ADAMTSL1: variants seen among roughly 807,000 people sequenced by gnomAD.
ADAMTSL1 encodes the protein ADAMTS like 1.
A neutral mutation model predicts 201.8 loss-of-function variants in ADAMTSL1; 126 were observed. That is an observed-to-expected ratio of 0.62 (90% CI 0.54 to 0.72). ADAMTSL1 has a LOEUF of 0.72. Ranked by LOEUF, ADAMTSL1 falls within the 30% of genes least tolerant of loss-of-function variation. The pLI, the probability that ADAMTSL1 is intolerant of heterozygous loss-of-function variation, is 0.00. For synonymous variants in ADAMTSL1, 1,121 were observed against 903.4 expected, an observed-to-expected ratio of 1.24 and a Z score of -4.32; for missense variants, 2,679 against 2,277.8, an observed-to-expected ratio of 1.18 and a Z score of -3.59.
At chr9:18,608,022 C>T (rs1344833777) in intron 4 of ADAMTSL1, among the ~76,000 whole-genome samples, 1 of 152,008 alleles carries the variant, frequency 6.6e-6, no homozygotes, top group Non-Finnish European at 1.5e-5. Context: ...CTTTTTTATA[C>T]ATAATACATG....
At chr9:18,657,821 GT>G (rs1332966873) in intron 8 of ADAMTSL1, 71 bp downstream of exon 8, 1 of 1,298,378 alleles carries the variant, frequency 7.7e-7, no homozygotes, top group African/African-American at 1.5e-5. Flanking sequence ...TAAGAGTAGA[GT>G]TACTTCAGCA....
chr9:18,580,155 GA>G (rs1274751278), intron 4 of ADAMTSL1, among the ~76,000 whole-genome samples: 1 of 152,088 alleles, frequency 6.6e-6, no homozygotes, highest in Non-Finnish European at 1.5e-5. Context: ...AGGGAAAGAA[GA>G]ATTCCTTTCA....
intron 19 of ADAMTSL1, among the ~76,000 whole-genome samples, chr9:18,780,259 T>A (rs1821314076): frequency 6.6e-6 from 1 of 152,192 alleles, no homozygotes. Flanking sequence ...GTCTCTTCAT[T>A]TCATAAATGA....
intron 2 of ADAMTSL1, among the ~76,000 whole-genome samples, chr9:18,249,756 A>C (rs1831393977): frequency 6.6e-6 from 1 of 152,142 alleles, no homozygotes. Flanking sequence ...TCTCAACCAA[A>C]AGCTAAAACC....
At chr9:18,407,559 A>G (rs773409136) in intron 2 of ADAMTSL1, among the ~76,000 whole-genome samples, 1 of 152,216 alleles carries the variant, frequency 6.6e-6, no homozygotes, top group Non-Finnish European at 1.5e-5. Context: ...GGGTAAAGCA[A>G]TGTTTTGGCA....
chr9:18,889,065 C>T (rs555258680), intron 24 of ADAMTSL1, among the ~76,000 whole-genome samples: 3 of 152,180 alleles, frequency 2.0e-5, no homozygotes, highest in Non-Finnish European at 4.4e-5. Context: ...ACATCATTGT[C>T]TCATGTAAAT....
intron 7 of ADAMTSL1, among the ~76,000 whole-genome samples, chr9:18,649,911 C>G (rs2132901762): frequency 6.6e-6 from 1 of 152,276 alleles, no homozygotes; most frequent in Non-Finnish European, 1.5e-5. Context: ...AACCACTGCT[C>G]TCTTCAAAGC....
intron 15 of ADAMTSL1, among the ~76,000 whole-genome samples, chr9:18,750,967 G>C (rs1189681689): frequency 6.6e-6 from 1 of 152,118 alleles, no homozygotes; most frequent in East Asian, 1.9e-4. Context: ...ACCGTGAGTG[G>C]GCAAAGAGAG....
chr9:18,843,174 G>C (rs4593947), intron 23 of ADAMTSL1, among the ~76,000 whole-genome samples: 1 of 150,744 alleles, frequency 6.6e-6, no homozygotes, highest in Non-Finnish European at 1.5e-5. Context: ...GGCTGGTACC[G>C]GTTGTTCCTT....
chr9:18,025,064 TCTTTTAAGAAG>T lies in ADAMTSL1; in HGVS notation c.87+118143_87+118153del, dbSNP rs1202708376. Among the ~76,000 whole-genome samples, 6 of 152,266 alleles carry T rather than the reference TCTTTTAAGAAG, an allele frequency of 3.9e-5. No individual in the cohort carries two copies. The East Asian group carries it at 1.2e-3, about 29-fold the overall frequency. On this transcript the variant is annotated intron_variant, in intron 1 of 29. Transcript: ENST00000680146. Reference sequence around the variant, plus strand: ...TATTTTTTTGGCCACCTGTATGTCTTCTTTTAAGAAGTGTTGTTCATTTCCTTCGCCTACTT... The same window carrying T: ...TATTTTTTTGGCCACCTGTATGTCTTTGTTGTTCATTTCCTTCGCCTACTT...
intron 13 of ADAMTSL1, among the ~76,000 whole-genome samples, chr9:18,696,584 T>C (rs180995306): frequency 4.3e-4 from 65 of 152,180 alleles, no homozygotes; most frequent in African/African-American, 1.5e-3. Context: ...CCAGTGGCTA[T>C]TGTGGTAGTC....
chr9:18,503,502 C>A (rs908185892), intron 1 of ADAMTSL1, among the ~76,000 whole-genome samples: 1 of 148,794 alleles, frequency 6.7e-6, no homozygotes, highest in African/African-American at 2.5e-5. Flanking sequence ...ACTTTATGTG[C>A]TTTTTATGTA....
At chr9:18,300,769 G>T (rs1833677383) in intron 2 of ADAMTSL1, among the ~76,000 whole-genome samples, 1 of 152,142 alleles carries the variant, frequency 6.6e-6, no homozygotes, top group Non-Finnish European at 1.5e-5. Context: ...GCAAAGGGAA[G>T]TCCCATGATG....
intron 2 of ADAMTSL1, among the ~76,000 whole-genome samples, chr9:18,166,392 G>A (rs1233217997): frequency 1.3e-5 from 2 of 151,818 alleles, no homozygotes; most frequent in South Asian, 2.1e-4. Flanking sequence ...ATTCCATCAC[G>A]GAATATGCAT....
At chr9:18,657,957 C>A (rs1213251501) in intron 8 of ADAMTSL1, among the ~76,000 whole-genome samples, 2 of 150,156 alleles carry the variant, frequency 1.3e-5, no homozygotes, top group Non-Finnish European at 2.9e-5. Context: ...TGTAAAGTCC[C>A]ATTAGAGGAA....
intron 2 of ADAMTSL1, among the ~76,000 whole-genome samples, chr9:18,198,810 G>GT (rs1279698086): frequency 7.1e-6 from 1 of 140,628 alleles, no homozygotes; most frequent in Non-Finnish European, 1.5e-5. Context: ...ACATGCACAC[G>GT]TATGTTTATT....
At chr9:18,866,059 C>T (rs1035867351) in intron 23 of ADAMTSL1, among the ~76,000 whole-genome samples, 20 of 138,698 alleles carry the variant, frequency 1.4e-4, no homozygotes, top group Non-Finnish European at 2.9e-4. Context: ...ATTATTAGCA[C>T]GTGTTTTTTG....
intron 1 of ADAMTSL1, among the ~76,000 whole-genome samples, chr9:18,083,957 G>A (rs1823629254): frequency 6.6e-6 from 1 of 152,164 alleles, no homozygotes; most frequent in African/African-American, 2.4e-5. Context: ...CTGGATGAGA[G>A]TGAGTAAAGA....
intron 23 of ADAMTSL1, among the ~76,000 whole-genome samples, chr9:18,877,917 G>A (rs562688629): frequency 1.3e-5 from 2 of 152,298 alleles, no homozygotes; most frequent in Admixed American, 6.5e-5. Flanking sequence ...AGGCGTGTCT[G>A]AGCTCAGACT....
Sources: gnomAD v4.1 joint callset for allele counts (sites outside exome capture counted in the v4.1 genomes callset) on GRCh38, gnomAD v4.1.1 for gene constraint, MANE v1.5 for transcripts, NCBI Gene and HGNC (gene_info 2026-07-23, HGNC 2026-07-21) for gene names.